PEAK1: variants seen among roughly 807,000 people sequenced by gnomAD.
PEAK1 encodes pseudopodium enriched atypical kinase 1.
PEAK1 carries 54 observed loss-of-function variants against 124.7 expected under a neutral mutation model. The observed-to-expected ratio is 0.43, with a 90% CI of 0.35 to 0.54. The LOEUF (loss-of-function observed/expected upper bound fraction) is 0.54, where lower values mean the gene tolerates loss of function less well. Among genes scored for constraint, PEAK1 ranks in the 20% least tolerant of loss-of-function variants. The pLI, the probability that PEAK1 is intolerant of heterozygous loss-of-function variation, is 0.01. For missense variants in PEAK1, 2,046 were observed against 2,134.5 expected, an observed-to-expected ratio of 0.96 and a Z score of 0.82; for synonymous variants, 719 against 760.0, an observed-to-expected ratio of 0.95 and a Z score of 0.89.
intron 6 of PEAK1, among the ~76,000 whole-genome samples, chr15:77,239,178 T>C (rs1013657553): frequency 1.2e-4 from 18 of 152,218 alleles, no homozygotes; most frequent in South Asian, 2.1e-4. Context: ...ATGGACAATA[T>C]TGTACATACT....
intron 5 of PEAK1, among the ~76,000 whole-genome samples, chr15:77,270,435 G>A (rs917012799): frequency 4.6e-5 from 7 of 152,244 alleles, no homozygotes; most frequent in African/African-American, 1.7e-4. Flanking sequence ...CAAAGTCTCA[G>A]GACACAAAAT....
chr15:77,177,822 G>C (rs1179553792), intron 7 of PEAK1: 1 of 152,030 alleles, frequency 6.6e-6, no homozygotes, highest in African/African-American at 2.4e-5. Context: ...GAAAAACTTA[G>C]GCTTCCTAAA....
intron 1 of PEAK1, chr15:77,403,605 T>C: frequency 3.2e-6 from 3 of 933,272 alleles, no homozygotes; most frequent in Non-Finnish European, 3.8e-6. Context: ...TGGATGTTCA[T>C]ATATCATACC....
At chr15:77,149,909 C>T (rs1179338657) in intron 8 of PEAK1, among the ~76,000 whole-genome samples, 8 of 152,054 alleles carry the variant, frequency 5.3e-5, no homozygotes, top group African/African-American at 7.2e-5. Flanking sequence ...CCTCCACACT[C>T]GGCTAATTTT....
At chr15:77,346,080 CA>C in intron 2 of PEAK1, 1 of 985,420 alleles carries the variant, frequency 1.0e-6, no homozygotes, top group Non-Finnish European at 1.2e-6. Context: ...ATCGAAGGCA[CA>C]ACGACTATGC....
intron 7 of PEAK1, among the ~76,000 whole-genome samples, chr15:77,160,767 T>G (rs954357707): frequency 1.3e-5 from 2 of 152,186 alleles, no homozygotes; most frequent in African/African-American, 4.8e-5. Context: ...GTTTCCTGAA[T>G]AGCTGTTTCT....
intron 5 of PEAK1, among the ~76,000 whole-genome samples, chr15:77,274,353 AG>A (rs1375426046): frequency 6.6e-6 from 1 of 152,156 alleles, no homozygotes; most frequent in East Asian, 1.9e-4. Flanking sequence ...ACAGAGTGGG[AG>A]AAAATCTTTG....
At chr15:77,269,453 A>T (rs142065891) in intron 5 of PEAK1, among the ~76,000 whole-genome samples, 2 of 152,306 alleles carry the variant, frequency 1.3e-5, no homozygotes, top group Non-Finnish European at 2.9e-5. Flanking sequence ...AAGGTCTAAT[A>T]CAACAGGAAA....
At chr15:77,273,941 A>G (rs1483459323) in intron 5 of PEAK1, among the ~76,000 whole-genome samples, 2 of 152,196 alleles carry the variant, frequency 1.3e-5, no homozygotes, top group East Asian at 1.9e-4. Flanking sequence ...ATAGAGACCA[A>G]TGGAACAGAA....
At chr15:77,292,413 G>A (rs1268951850) in intron 2 of PEAK1, among the ~76,000 whole-genome samples, 2 of 151,970 alleles carry the variant, frequency 1.3e-5, no homozygotes, top group African/African-American at 4.8e-5. Flanking sequence ...ATATATCACA[G>A]CTTTCTTGCA....
intron 1 of PEAK1, among the ~76,000 whole-genome samples, chr15:77,395,046 T>G (rs910435642): frequency 1.3e-5 from 2 of 152,098 alleles, no homozygotes; most frequent in African/African-American, 4.8e-5. Flanking sequence ...TTTGAGGAAA[T>G]GCAATAAAAA....
At position 77,235,406 on chromosome 15, in the gene PEAK1, C is replaced by T. The variant is rs1161560048; in HGVS notation, c.-115+16961G>A. 2.0e-5 allele frequency among the ~76,000 whole-genome samples: 3 copies of T among 152,182 alleles called. No individual in the cohort carries two copies. The South Asian group carries it at 6.2e-4, about 32-fold the overall frequency. On this transcript the variant is annotated intron_variant, in intron 6 of 9. Coordinates refer to ENST00000682557, the MANE Select transcript of PEAK1 (RefSeq NM_001385026.1). ...ACAATTAAGTCCAGGCTGAGGTGGTCTCAGATAGAGATAAGGCTTGGGAAC... is the reference window on the plus strand; with the variant it reads ...ACAATTAAGTCCAGGCTGAGGTGGTTTCAGATAGAGATAAGGCTTGGGAAC...
chr15:77,415,319 T>A lies in PEAK1; in HGVS notation c.-666+4687A>T, dbSNP rs188690093. ...TCCCTTACCTCCACCCCATCCACTG[T>A]TAGCCATTCCCTTGGAAGCCGTTTA... is the stretch of plus-strand genomic sequence containing the variant. On this transcript the variant is annotated intron_variant, in intron 1 of 9. Coordinates refer to ENST00000682557, the MANE Select transcript of PEAK1 (RefSeq NM_001385026.1). Among the ~76,000 whole-genome samples, 8 of 152,366 alleles carry A rather than the reference T, an allele frequency of 5.3e-5. No homozygotes were observed. In the East Asian group the frequency reaches 1.5e-3, roughly 29 times the overall value.
intron 8 of PEAK1, among the ~76,000 whole-genome samples, chr15:77,151,274 C>G (rs1179731712): frequency 2.0e-5 from 3 of 151,786 alleles, no homozygotes; most frequent in Non-Finnish European, 2.9e-5. Flanking sequence ...TGATGATGAG[C>G]ATTTTTTCAT....
chr15:77,161,975 A>AG, intron 7 of PEAK1, among the ~76,000 whole-genome samples: 1 of 151,126 alleles, frequency 6.6e-6, no homozygotes, highest in Non-Finnish European at 1.5e-5. Flanking sequence ...CAAAAAAAAA[A>AG]AAAAAAAAAG....
chr15:77,378,188 T>TTATATATATATATATATATA (rs758426465), intron 1 of PEAK1, among the ~76,000 whole-genome samples: 11 of 129,694 alleles, frequency 8.5e-5, no homozygotes, highest in East Asian at 4.2e-4. Context: ...TATAACAATA[T>TTATATATATATATATATATA]TATATATATA....
intron 6 of PEAK1, among the ~76,000 whole-genome samples, chr15:77,213,958 T>C (rs796702705): frequency 1.2e-4 from 19 of 152,168 alleles, no homozygotes; most frequent in Admixed American, 1.2e-3. Context: ...CTGGCCTCAA[T>C]AACCACTTTA....
intron 2 of PEAK1, chr15:77,349,538 G>T: frequency 7.1e-6 from 7 of 983,722 alleles, no homozygotes; most frequent in Non-Finnish European, 2.4e-6. Flanking sequence ...CTTTTATTCT[G>T]TTTGTTCATA....
chr15:77,321,128 A>G (rs1284367017), intron 2 of PEAK1, among the ~76,000 whole-genome samples: 1 of 152,202 alleles, frequency 6.6e-6, no homozygotes, highest in Non-Finnish European at 1.5e-5. Context: ...ATATGTGTGC[A>G]TGTGTCTTTA....
Sources: gnomAD v4.1 joint callset for allele counts (sites outside exome capture counted in the v4.1 genomes callset) on GRCh38, gnomAD v4.1.1 for gene constraint, MANE v1.5 for transcripts, NCBI Gene and HGNC (gene_info 2026-07-23, HGNC 2026-07-21) for gene names.